Variants in GADL1 observed in about 807,000 individuals in gnomAD.
GADL1 encodes GAD like acidic amino acid decarboxylase 1, also known as acidic amino acid decarboxylase GADL1.
A neutral mutation model predicts 69.5 loss-of-function variants in GADL1; 71 were observed. The ratio of observed to expected loss-of-function variants is 1.02; its 90% CI spans 0.84 to 1.25. The LOEUF is 1.25. Among genes scored for constraint, GADL1 ranks in the 50% most tolerant of loss-of-function variants. GADL1 has a pLI of 0.00. For synonymous variants in GADL1, 254 were observed against 214.4 expected, an observed-to-expected ratio of 1.18 and a Z score of -1.62; for missense variants, 737 against 631.8, an observed-to-expected ratio of 1.17 and a Z score of -1.79.
At chr3:30,828,629 C>T (rs1271065330) in intron 11 of GADL1, among the ~76,000 whole-genome samples, 4 of 151,650 alleles carry the variant, frequency 2.6e-5, no homozygotes, top group Admixed American at 1.3e-4. Flanking sequence ...GCCAAAGATC[C>T]CTGAGAAGGA....
chr3:30,754,060 T>C (rs914879920), intron 14 of GADL1, among the ~76,000 whole-genome samples: 28 of 152,200 alleles, frequency 1.8e-4, no homozygotes, highest in African/African-American at 6.3e-4. Flanking sequence ...CACCTTCAAA[T>C]AGTAAACTAA....
intron 11 of GADL1, among the ~76,000 whole-genome samples, chr3:30,822,354 T>C (rs1384885712): frequency 6.6e-6 from 1 of 151,988 alleles, no homozygotes; most frequent in Non-Finnish European, 1.5e-5. Flanking sequence ...TAAAAACATA[T>C]ATGGACTTTC....
chr3:30,751,618 G>A (rs921536969), intron 14 of GADL1, among the ~76,000 whole-genome samples: 2 of 151,980 alleles, frequency 1.3e-5, no homozygotes, highest in East Asian at 1.9e-4. Flanking sequence ...ATAGGCTAAT[G>A]TGAAAACTGA....
chr3:30,768,100 T>G (rs1447540537), intron 14 of GADL1, among the ~76,000 whole-genome samples: 1 of 150,166 alleles, frequency 6.7e-6, no homozygotes. Flanking sequence ...TACTCATTCC[T>G]TACTGCTGGC....
At chr3:30,814,229 T>A (rs77763204) in intron 11 of GADL1, among the ~76,000 whole-genome samples, 3,648 of 152,258 alleles carry the variant, frequency 0.024, 67 homozygotes, top group Non-Finnish European at 0.039. Context: ...GAGGAATAAT[T>A]TGAACACAAA....
intron 14 of GADL1, among the ~76,000 whole-genome samples, chr3:30,746,349 C>T (rs537552134): frequency 6.6e-6 from 1 of 152,262 alleles, no homozygotes; most frequent in African/African-American, 2.4e-5. Flanking sequence ...CACTGCAGAC[C>T]TACTGAGCCT....
intron 14 of GADL1, among the ~76,000 whole-genome samples, chr3:30,768,596 G>T (rs1435940570): frequency 6.6e-6 from 1 of 151,914 alleles, no homozygotes; most frequent in Non-Finnish European, 1.5e-5. Flanking sequence ...GGAGAAGGAA[G>T]AGTGGCGAGA....
chr3:30,768,915 G>A (rs1696351190), intron 14 of GADL1, among the ~76,000 whole-genome samples: 1 of 152,106 alleles, frequency 6.6e-6, no homozygotes, highest in African/African-American at 2.4e-5. Context: ...CCACCAGGGG[G>A]CAGGCTGGGC....
intron 14 of GADL1, among the ~76,000 whole-genome samples, chr3:30,762,353 G>A (rs1305931963): frequency 6.6e-6 from 1 of 152,116 alleles, no homozygotes; most frequent in African/African-American, 2.4e-5. Flanking sequence ...GTCCTTCGAA[G>A]ACTGAAGTTT....
At chr3:30,735,888 A>G (rs1695535639) in intron 14 of GADL1, among the ~76,000 whole-genome samples, 1 of 152,176 alleles carries the variant, frequency 6.6e-6, no homozygotes. Flanking sequence ...CATCAGATTG[A>G]ACATATTTAA....
At chr3:30,767,222 G>A (rs1696302465) in intron 14 of GADL1, among the ~76,000 whole-genome samples, 1 of 152,098 alleles carries the variant, frequency 6.6e-6, no homozygotes, top group African/African-American at 2.4e-5. Context: ...ATTTACTTCA[G>A]AATCAGTGAT....
At chr3:30,870,567 C>T (rs1160330303) in intron 1 of GADL1, among the ~76,000 whole-genome samples, 1 of 151,614 alleles carries the variant, frequency 6.6e-6, no homozygotes, top group Non-Finnish European at 1.5e-5. Context: ...CATGAACTGG[C>T]TTACATTTAT....
intron 11 of GADL1, among the ~76,000 whole-genome samples, chr3:30,811,898 G>T (rs1697363682): frequency 6.6e-6 from 1 of 152,172 alleles, no homozygotes; most frequent in Non-Finnish European, 1.5e-5. Flanking sequence ...TGTTTAAAAT[G>T]TTTCCCAGTG....
chr3:30,878,392 A>C (rs4624598), intron 1 of GADL1, among the ~76,000 whole-genome samples: 26,723 of 151,854 alleles, frequency 0.18, 3,018 homozygotes, highest in East Asian at 0.46. Context: ...GATGGAGAAC[A>C]TGAGCAAGTA....
chr3:30,751,306 G>A (rs1695808580), intron 14 of GADL1, among the ~76,000 whole-genome samples: 1 of 151,966 alleles, frequency 6.6e-6, no homozygotes, highest in African/African-American at 2.4e-5. Flanking sequence ...GCTTTATAAA[G>A]CCCTGGGACC....
chr3:30,866,115 A>T (rs773707256), intron 1 of GADL1, among the ~76,000 whole-genome samples: 4 of 152,060 alleles, frequency 2.6e-5, no homozygotes, highest in Non-Finnish European at 4.4e-5. Context: ...ACATATTGGG[A>T]ACTAATAAAA....
intron 14 of GADL1, among the ~76,000 whole-genome samples, chr3:30,740,910 C>A (rs189953660): frequency 0.083 from 11,486 of 138,690 alleles, 1,292 homozygotes; most frequent in African/African-American, 0.26. Context: ...ATATATATAT[C>A]TAATATATAA....
chr3:30,839,243 A>G (rs537434747), intron 8 of GADL1, 130 bp from the exon 9 acceptor site: 10 of 545,734 alleles, frequency 1.8e-5, no homozygotes, highest in East Asian at 6.4e-5. Context: ...CATTAATTCA[A>G]TGGGTGTTTT....
At chr3:30,856,337 T>G (rs1002456130) in intron 3 of GADL1, among the ~76,000 whole-genome samples, 1 of 152,100 alleles carries the variant, frequency 6.6e-6, no homozygotes, top group Non-Finnish European at 1.5e-5. Flanking sequence ...GTTCGCTGGA[T>G]GAACAGGATA....
Sources: gnomAD v4.1 joint callset for allele counts (sites outside exome capture counted in the v4.1 genomes callset) on GRCh38, gnomAD v4.1.1 for gene constraint, MANE v1.5 for transcripts, NCBI Gene and HGNC (gene_info 2026-07-23, HGNC 2026-07-21) for gene names.